The following SNTB1 variants were observed in gnomAD, a reference collection of about 807,000 sequenced individuals.
SNTB1 encodes the protein beta-1-syntrophin.
Under a neutral mutation model 48.9 loss-of-function variants are expected in SNTB1, and 36 were observed. The observed-to-expected ratio is 0.74, with a 90% CI of 0.56 to 0.97. The LOEUF (loss-of-function observed/expected upper bound fraction) is 0.97. SNTB1 is among the 50% of genes least tolerant of loss of function. The probability of loss-of-function intolerance (pLI) is 0.00; values close to 1 mark genes in which losing one functional copy is unlikely to be tolerated. For missense variants in SNTB1, 786 were observed against 703.4 expected, an observed-to-expected ratio of 1.12 and a Z score of -1.33; for synonymous variants, 299 against 294.6, an observed-to-expected ratio of 1.01 and a Z score of -0.15.
rs1290176162 is a variant in SNTB1 at position 120,538,823 on chromosome 8, G to C, written c.*54C>G. Reference sequence around the variant, plus strand: ...CACTACAGATGGTGTCTGACATCACGTTCTCTGGTGGCATTGCAGCCCTTC... The same window carrying C: ...CACTACAGATGGTGTCTGACATCACCTTCTCTGGTGGCATTGCAGCCCTTC... On this transcript the variant is annotated 3_prime_UTR_variant, in exon 7 of 7. Transcript: ENST00000517992. 1 of 1,394,568 alleles carries C rather than the reference G, an allele frequency of 7.2e-7. No individual in the cohort carries two copies. The highest frequency in any genetic ancestry group is 2.3e-5 in the East Asian group (1 of 43,778). The allele number at this position is 1,394,568 out of a possible 1,614,324, so 86.4% of individuals were successfully genotyped here.
At chr8:120,653,846 T>C (rs2129725011) in intron 2 of SNTB1, among the ~76,000 whole-genome samples, 1 of 151,770 alleles carries the variant, frequency 6.6e-6, no homozygotes, top group South Asian at 2.1e-4. Flanking sequence ...GAGACCATCC[T>C]GGCTAACACG....
intron 1 of SNTB1, among the ~76,000 whole-genome samples, chr8:120,801,845 A>G (rs759337144): frequency 6.6e-6 from 1 of 152,090 alleles, no homozygotes; most frequent in Non-Finnish European, 1.5e-5. Flanking sequence ...AAAAATTCAC[A>G]ATGACATTGT....
At chr8:120,550,328 G>A (rs539470794) in intron 4 of SNTB1, among the ~76,000 whole-genome samples, 1 of 151,948 alleles carries the variant, frequency 6.6e-6, no homozygotes, top group Admixed American at 6.6e-5. Flanking sequence ...GATCACCTGA[G>A]GTCAGAAGTT....
intron 3 of SNTB1, among the ~76,000 whole-genome samples, chr8:120,612,995 G>A (rs1030495502): frequency 2.6e-5 from 4 of 152,104 alleles, no homozygotes; most frequent in Non-Finnish European, 5.9e-5. Context: ...GATGTTAAGC[G>A]AAATAAGTCA....
At chr8:120,745,924 T>C (rs1819117953) in intron 1 of SNTB1, among the ~76,000 whole-genome samples, 1 of 152,316 alleles carries the variant, frequency 6.6e-6, no homozygotes, top group East Asian at 1.9e-4. Flanking sequence ...GGTCTGAATC[T>C]AATCCTTACA....
intron 2 of SNTB1, among the ~76,000 whole-genome samples, chr8:120,680,782 A>G (rs1429213438): frequency 6.6e-6 from 1 of 152,212 alleles, no homozygotes; most frequent in Non-Finnish European, 1.5e-5. Context: ...ACAAAGGATC[A>G]AGACCTATAT....
At chr8:120,690,973 C>A (rs1192174714) in intron 2 of SNTB1, among the ~76,000 whole-genome samples, 1 of 152,226 alleles carries the variant, frequency 6.6e-6, no homozygotes, top group Non-Finnish European at 1.5e-5. Context: ...GGTTCTCACA[C>A]CACAGCAGAA....
chr8:120,644,675 C>T (rs1817254210), intron 2 of SNTB1, among the ~76,000 whole-genome samples: 2 of 151,774 alleles, frequency 1.3e-5, no homozygotes, highest in Non-Finnish European at 2.9e-5. Flanking sequence ...TGGGTATATA[C>T]CCAGTAATGG....
chr8:120,605,316 G>T (rs1816495770), intron 3 of SNTB1, among the ~76,000 whole-genome samples: 1 of 152,134 alleles, frequency 6.6e-6, no homozygotes, highest in African/African-American at 2.4e-5. Flanking sequence ...TTCACAGCTT[G>T]TCTCTGAAAG....
At position 120,555,149 on chromosome 8, in the gene SNTB1, C is replaced by A. The variant is rs1033986467; in HGVS notation, c.1137-6191G>T. On this transcript the variant is annotated intron_variant, in intron 4 of 6. Coordinates refer to ENST00000517992, the MANE Select transcript of SNTB1 (RefSeq NM_021021.4). ...GTGGCTACCTTGCCTGGGGTATATCCCCGCCAGGAATATCCGGGGTTGTCC... is the reference window on the plus strand; with the variant it reads ...GTGGCTACCTTGCCTGGGGTATATCACCGCCAGGAATATCCGGGGTTGTCC... Among the ~76,000 whole-genome samples the A allele has an allele frequency of 3.3e-5, 5 of 152,190 alleles. 1 individual carries two copies. The South Asian group carries it at 6.2e-4, about 19-fold the overall frequency.
At chr8:120,622,954 C>G (rs1041890997) in intron 3 of SNTB1, among the ~76,000 whole-genome samples, 4 of 152,192 alleles carry the variant, frequency 2.6e-5, no homozygotes, top group African/African-American at 9.7e-5. Context: ...TATGGGAGAC[C>G]ACAGCCAGTG....
rs111650505 is a variant in SNTB1 at position 120,693,687 on chromosome 8, T to C, written c.788+5A>G. ...GATACAGTGGAGAGTTTTGACCCTA[T>C]TTACCTGTTCTCAGGGTCGGCCAAG... On this transcript the variant is annotated splice_donor_5th_base_variant and intron_variant, in intron 2 of 6. Transcript: ENST00000517992. 947 of 1,613,234 alleles carry C rather than the reference T, an allele frequency of 5.9e-4. 7 individuals carry two copies. In the African/African-American group the frequency reaches 0.011, roughly 19 times the overall value.
chr8:120,574,289 C>G (rs1363464908), intron 4 of SNTB1, among the ~76,000 whole-genome samples: 1 of 152,132 alleles, frequency 6.6e-6, no homozygotes, highest in Admixed American at 6.5e-5. Context: ...ATCTACTGTA[C>G]AGCATAGCGC....
At chr8:120,561,991 C>T (rs574311598) in intron 4 of SNTB1, among the ~76,000 whole-genome samples, 92 of 152,240 alleles carry the variant, frequency 6.0e-4, no homozygotes, top group African/African-American at 2.1e-3. Context: ...TCCAGTCTCC[C>T]GACTCCATCC....
intron 1 of SNTB1, among the ~76,000 whole-genome samples, chr8:120,803,333 G>C (rs1157703991): frequency 6.6e-6 from 1 of 151,490 alleles, no homozygotes; most frequent in Non-Finnish European, 1.5e-5. Flanking sequence ...CATTGATTTT[G>C]TGGTGGGTAT....
intron 1 of SNTB1, among the ~76,000 whole-genome samples, chr8:120,783,456 TG>T (rs1819864150): frequency 6.6e-6 from 1 of 152,158 alleles, no homozygotes; most frequent in South Asian, 2.1e-4. Context: ...AATCATGAGA[TG>T]AAAAAAAATA....
chr8:120,682,472 C>T (rs1356558386), intron 2 of SNTB1, among the ~76,000 whole-genome samples: 2 of 152,170 alleles, frequency 1.3e-5, no homozygotes, highest in Non-Finnish European at 2.9e-5. Flanking sequence ...TTTCAAATTT[C>T]TGACTAATTC....
chr8:120,583,867 G>A (rs563354600), intron 3 of SNTB1, among the ~76,000 whole-genome samples: 103 of 152,212 alleles, frequency 6.8e-4, no homozygotes, highest in African/African-American at 2.4e-3. Flanking sequence ...AATTGAGTCT[G>A]AAATTATATT....
intron 1 of SNTB1, among the ~76,000 whole-genome samples, chr8:120,772,276 C>T (rs541419622): frequency 1.3e-5 from 2 of 149,180 alleles, no homozygotes; most frequent in East Asian, 4.1e-4. Flanking sequence ...GACAGAGTCT[C>T]ACTATGCCGC....
Sources: allele counts gnomAD v4.1 joint callset (sites outside exome capture counted in the v4.1 genomes callset), GRCh38; gene constraint gnomAD v4.1.1; transcripts MANE v1.5; gene names NCBI Gene and HGNC (gene_info 2026-07-23, HGNC 2026-07-21).